MYO18B: variants seen among roughly 807,000 people sequenced by gnomAD.
MYO18B encodes unconventional myosin-XVIIIb.
A neutral mutation model predicts 273.0 loss-of-function variants in MYO18B; 204 were observed. The ratio of observed to expected loss-of-function variants is 0.75; its 90% CI spans 0.67 to 0.84. The LOEUF (loss-of-function observed/expected upper bound fraction) is 0.84. MYO18B is among the 40% of genes least tolerant of loss of function. The probability of loss-of-function intolerance (pLI) is 0.00; values close to 1 mark genes in which losing one functional copy is unlikely to be tolerated. For missense variants in MYO18B, 3,212 were observed against 3,287.6 expected, an observed-to-expected ratio of 0.98 and a Z score of 0.56; for synonymous variants, 1,330 against 1,305.7, an observed-to-expected ratio of 1.02 and a Z score of -0.40.
intron 21 of MYO18B, 92 bp downstream of exon 21, chr22:25,851,671 C>T (rs118032124): frequency 5.0e-4 from 470 of 933,640 alleles, no homozygotes; most frequent in Non-Finnish European, 7.2e-4. Flanking sequence ...GTGAGTGGCT[C>T]ATGCCTGTAA....
rs555863075 is a variant in MYO18B, at chr22:25,888,256, A to G, written c.4315-2500A>G. On this transcript the variant is annotated intron_variant, in intron 25 of 43. Transcript: ENST00000335473. Reference sequence around the variant, plus strand: ...GGTTTGGGGGTCTGAGAGTCCTATAATTTGCATTTTCTTTTATTTTTTTAA... The same window carrying G: ...GGTTTGGGGGTCTGAGAGTCCTATAGTTTGCATTTTCTTTTATTTTTTTAA... 3.3e-5 allele frequency among the ~76,000 whole-genome samples: 5 copies of G among 151,968 alleles called. No homozygotes were observed. In the East Asian group the frequency reaches 7.7e-4, roughly 24 times the overall value.
rs183577472 is a variant in MYO18B at position 25,755,317 on chromosome 22, C to G, written c.-109-5667C>G. Among the ~76,000 whole-genome samples the G allele has an allele frequency of 3.8e-3, 578 of 152,288 alleles. 16 individuals are homozygous for G. Among genetic ancestry groups the G allele is most frequent in the East Asian group, 2.3e-3 (12 of 5,168 alleles). ...CGCCTCCCAGGTTCAAGCGATTCTC[C>G]TGCCTCAGCCTCTCCAGTAGCTGAG... On this transcript the variant is annotated intron_variant, in intron 1 of 43. Transcript: ENST00000335473.
At chr22:25,793,551 T>C (rs1028215329) in intron 11 of MYO18B, among the ~76,000 whole-genome samples, 37 of 152,250 alleles carry the variant, frequency 2.4e-4, no homozygotes, top group African/African-American at 7.0e-4. Context: ...ATTTCTTCTT[T>C]GAAGAAGTGC....
At chr22:25,798,200 C>T in intron 12 of MYO18B, 103 bp downstream of exon 12, 1 of 1,366,016 alleles carries the variant, frequency 7.3e-7, no homozygotes, top group Non-Finnish European at 9.7e-7. Flanking sequence ...GTCAATCTGT[C>T]ACCTTCTATG....
chr22:25,852,145 C>A (rs952617988), intron 21 of MYO18B, among the ~76,000 whole-genome samples: 11 of 152,120 alleles, frequency 7.2e-5, no homozygotes, highest in Non-Finnish European at 1.5e-4. Context: ...TACATCAGGG[C>A]CCCATGTTTG....
Position 25,868,245 on chromosome 22 carries a change from G to A in MYO18B, c.3886-75G>A, listed in dbSNP as rs2090945926. The stretch of plus-strand genomic sequence containing the variant: ...CCTCCGTCCTGGCGCATCAGCCATC[G>A]AGCCAGCTTGACTTTCCCCTTTAGG... On this transcript the variant is annotated intron_variant, in intron 21 of 43. Coordinates refer to ENST00000335473, the MANE Select transcript of MYO18B (RefSeq NM_032608.7). 9.9e-6 allele frequency: 13 copies of A among 1,308,796 alleles called. No homozygotes were observed. The East Asian group carries it at 1.5e-4, about 15-fold the overall frequency. The allele number at this position is 1,308,796 out of a possible 1,614,324, so 81.1% of individuals were successfully genotyped here. A position where few individuals can be genotyped will look rare whatever the true frequency, so the allele number is the denominator to read the frequency against.
At chr22:25,948,978 G>A (rs2092760765) in intron 36 of MYO18B, among the ~76,000 whole-genome samples, 1 of 152,020 alleles carries the variant, frequency 6.6e-6, no homozygotes, top group African/African-American at 2.4e-5. Flanking sequence ...ACATACAAAG[G>A]GCCTGTGATG....
In MYO18B at chr22:25,771,039, C is replaced by T. The variant is rs1389421190; in HGVS notation, c.1692+55C>T. 10 of 1,195,520 alleles carry T rather than the reference C, an allele frequency of 8.4e-6. No individual in the cohort carries two copies. The East Asian group carries it at 2.3e-4, about 27-fold the overall frequency. The allele number at this position is 1,195,520 out of a possible 1,614,324, so 74.1% of individuals were successfully genotyped here. ...ATGAGTCCCCTGTCCCACTTCACCC[C>T]AGCTCCATACCCTCCTTCCCCAGTC... is the stretch of plus-strand genomic sequence containing the variant. On this transcript the variant is annotated intron_variant, in intron 6 of 43. Coordinates refer to ENST00000335473, the MANE Select transcript of MYO18B (RefSeq NM_032608.7).
intron 4 of MYO18B, 120 bp downstream of exon 4, chr22:25,769,548 G>T: frequency 2.2e-6 from 2 of 915,300 alleles, no homozygotes; most frequent in Non-Finnish European, 3.2e-6. Context: ...GCAGGGAATT[G>T]GAGAGGGGTG....
chr22:25,761,098 C>T lies in MYO18B; in HGVS notation c.6C>T (p.Ala2=). Residue 2 remains alanine (A), a synonymous_variant, in exon 2 of 44, where the codon GCC becomes GCT. Transcript: ENST00000335473. M[A]ISSRLALWEQ... ...GGCCCTGGCACTGCCTCAGCATGGC[C>T]ATCTCATCACGCCTCGCCCTGTGGG... 6.2e-7 allele frequency: 1 copy of T among 1,613,582 alleles called. No individual in the cohort carries two copies. Among genetic ancestry groups the T allele is most frequent in the African/African-American group, 1.3e-5 (1 of 75,064 alleles).
intron 17 of MYO18B, among the ~76,000 whole-genome samples, chr22:25,842,056 T>G (rs968587441): frequency 1.3e-5 from 2 of 152,308 alleles, no homozygotes; most frequent in East Asian, 3.9e-4. Flanking sequence ...TAACTTCCGT[T>G]ATCCTGGACA....
chr22:25,965,463 G>C (rs996905911), intron 39 of MYO18B, among the ~76,000 whole-genome samples: 1 of 152,190 alleles, frequency 6.6e-6, no homozygotes, highest in South Asian at 2.1e-4. Context: ...GCTGGTAAAT[G>C]TTTAACAACT....
At chr22:25,875,601 G>C (rs2091169915) in intron 23 of MYO18B, among the ~76,000 whole-genome samples, 1 of 152,214 alleles carries the variant, frequency 6.6e-6, no homozygotes, top group Admixed American at 6.5e-5. Context: ...TGTTAGAAAT[G>C]CACATTTGCA....
At chr22:26,010,439 G>T (rs1300675543) in intron 42 of MYO18B, among the ~76,000 whole-genome samples, 1 of 152,156 alleles carries the variant, frequency 6.6e-6, no homozygotes, top group African/African-American at 2.4e-5. Context: ...CATACTTCAA[G>T]AAAGTAAAGG....
chr22:25,891,172 G>T, intron 26 of MYO18B, 132 bp from the exon 27 acceptor site: 1 of 753,246 alleles, frequency 1.3e-6, no homozygotes, highest in Non-Finnish European at 2.2e-6. Flanking sequence ...CTAGCCCATG[G>T]TCCTGGATTC....
chr22:25,874,498 G>A (rs982295132), intron 23 of MYO18B, 84 bp downstream of exon 23: 26 of 1,501,164 alleles, frequency 1.7e-5, no homozygotes, highest in Middle Eastern at 1.9e-4. Context: ...GGATGATACC[G>A]GTGCACCGGG....
intron 25 of MYO18B, among the ~76,000 whole-genome samples, chr22:25,887,179 T>G (rs545998691): frequency 6.6e-6 from 1 of 152,176 alleles, no homozygotes; most frequent in East Asian, 1.9e-4. Flanking sequence ...GCCCCTGTGG[T>G]TTGTTTGTCT....
the MYO18B span, among the ~76,000 whole-genome samples, chr22:26,046,987 G>C: frequency 2.0e-5 from 3 of 152,130 alleles, no homozygotes; most frequent in Non-Finnish European, 4.4e-5. Flanking sequence ...CCACATGGCT[G>C]CTTAGGCTTC....
the MYO18B span, among the ~76,000 whole-genome samples, chr22:26,049,138 G>A: frequency 3.9e-4 from 59 of 152,290 alleles, no homozygotes; most frequent in Middle Eastern, 3.4e-3. Flanking sequence ...GACAGGGATT[G>A]ACTGCTCAGG....
Sources: gnomAD v4.1 joint callset for allele counts (sites outside exome capture counted in the v4.1 genomes callset) on GRCh38, gnomAD v4.1.1 for gene constraint, MANE v1.5 for transcripts, NCBI Gene and HGNC (gene_info 2026-07-23, HGNC 2026-07-21) for gene names.